Variants in ADAMTS9 observed in about 807,000 individuals in gnomAD.
ADAMTS9 encodes the protein A disintegrin and metalloproteinase with thrombospondin motifs 9.
A neutral mutation model predicts 257.1 loss-of-function variants in ADAMTS9; 107 were observed. That is an observed-to-expected ratio of 0.42 (90% CI 0.36 to 0.49). The LOEUF (loss-of-function observed/expected upper bound fraction) is 0.49. Among genes scored for constraint, ADAMTS9 ranks in the 20% least tolerant of loss-of-function variants. The pLI is 0.03. For missense variants in ADAMTS9, 2,353 were observed against 2,469.1 expected (o/e 0.95, Z 1.00); for synonymous variants, 982 against 880.9 (o/e 1.11, Z -2.03).
At chr3:64,577,554 G>T (rs1190184677) in intron 28 of ADAMTS9, among the ~76,000 whole-genome samples, 1 of 152,172 alleles carries the variant, frequency 6.6e-6, no homozygotes, top group Non-Finnish European at 1.5e-5. Flanking sequence ...GTAAGTAATT[G>T]GTGGGAAAGC....
intron 23 of ADAMTS9, 114 bp from the exon 24 acceptor site, chr3:64,604,445 C>G (rs1404367740): frequency 2.8e-6 from 2 of 713,066 alleles, no homozygotes; most frequent in Non-Finnish European, 4.5e-6. Context: ...CTTCAGATTT[C>G]TGTGTGAATC....
chr3:64,522,250 C>G lies in ADAMTS9; in HGVS notation c.5729G>C (p.Arg1910Pro). The change falls in exon 39 of 40, where the codon CGA (arginine) becomes CCA (proline). Residue 1910 changes from arginine to proline, a missense_variant. Physicochemically the swap from Arg to Pro is moderately radical, Grantham distance 103 (BLOSUM62 -2). This residue lies in a region of ADAMTS9 where 1,402 missense variants were observed against 1,441.4 expected (regional missense o/e 0.97). Coordinates refer to ENST00000498707, the MANE Select transcript of ADAMTS9 (RefSeq NM_182920.2). ...SDIKKSPDGT[R>P]VVGKCGGYCG... ...GTAACCACCGCATTTCCCTACGACT[C>G]GGGTACCATCCTGCAAGGAGATGCA... The G allele has an allele frequency of 6.2e-7, 1 of 1,613,998 alleles. No individual in the cohort carries two copies. The highest frequency in any genetic ancestry group is 8.5e-7 in the Non-Finnish European group (1 of 1,179,918).
intron 29 of ADAMTS9, among the ~76,000 whole-genome samples, chr3:64,566,299 TG>T (rs935609525): frequency 6.6e-6 from 1 of 152,222 alleles, no homozygotes; most frequent in African/African-American, 2.4e-5. Flanking sequence ...ACTTCTAAAT[TG>T]CCCAAATTGA....
At chr3:64,588,461 G>T (rs1453703399) in intron 28 of ADAMTS9, 1 of 150,494 alleles carries the variant, frequency 6.6e-6, no homozygotes, top group African/African-American at 2.4e-5. Context: ...TTTTTATTCT[G>T]CCCCAACCCC....
intron 28 of ADAMTS9, among the ~76,000 whole-genome samples, chr3:64,593,961 A>ATATG (rs753411993): frequency 9.2e-6 from 1 of 108,264 alleles, no homozygotes. Flanking sequence ...TGTGTGTATG[A>ATATG]TGTGTGTGTG....
At chr3:64,566,526 A>C (rs1230721023) in intron 29 of ADAMTS9, among the ~76,000 whole-genome samples, 1 of 151,834 alleles carries the variant, frequency 6.6e-6, no homozygotes, top group Non-Finnish European at 1.5e-5. Flanking sequence ...GTTGGCAAAA[A>C]CCCCCAGGGT....
chr3:64,622,110 G>C, intron 18 of ADAMTS9, 88 bp downstream of exon 18: 1 of 1,373,012 alleles, frequency 7.3e-7, no homozygotes, highest in Non-Finnish European at 9.8e-7. Context: ...AGGGTTTGCA[G>C]TTTGCATGCA....
In ADAMTS9 at chr3:64,674,003, A is replaced by C. The variant is rs1044605859; in HGVS notation, c.679+7198T>G. On this transcript the variant is annotated intron_variant, in intron 3 of 39. Transcript: ENST00000498707. ...AAAATTTAATGAATAAGTGGGAACA[A>C]ATGAAAGAAGGTACAATTCCTGTAT... is the stretch of plus-strand genomic sequence containing the variant. 2.0e-5 allele frequency among the ~76,000 whole-genome samples: 3 copies of C among 152,196 alleles called. No individual in the cohort carries two copies. In the South Asian group the frequency reaches 6.2e-4, roughly 32 times the overall value.
chr3:64,520,569 C>G (rs2106867849), intron 39 of ADAMTS9, among the ~76,000 whole-genome samples: 1 of 152,138 alleles, frequency 6.6e-6, no homozygotes, highest in East Asian at 1.9e-4. Flanking sequence ...TAAAGGTAAC[C>G]AAAACAGCAT....
chr3:64,537,212 A>C (rs982349948), intron 37 of ADAMTS9, among the ~76,000 whole-genome samples: 1 of 152,222 alleles, frequency 6.6e-6, no homozygotes, highest in African/African-American at 2.4e-5. Flanking sequence ...GAATTGCTTC[A>C]TTGTCAGGAT....
At chr3:64,655,555 A>T (rs571224434) in intron 6 of ADAMTS9, 21 bp downstream of exon 6, 1 of 1,576,010 alleles carries the variant, frequency 6.3e-7, no homozygotes, top group African/African-American at 1.3e-5. Flanking sequence ...GAAAGATCTG[A>T]GGAATAAGAA....
At chr3:64,599,572 A>G (rs369807868) in intron 26 of ADAMTS9, among the ~76,000 whole-genome samples, 12 of 152,316 alleles carry the variant, frequency 7.9e-5, no homozygotes, top group East Asian at 7.7e-4. Context: ...TCATCTATCA[A>G]TTAAGACACT....
chr3:64,540,964 C>T, intron 36 of ADAMTS9, 131 bp downstream of exon 36: 8 of 1,301,216 alleles, frequency 6.1e-6, no homozygotes, highest in East Asian at 2.4e-5. Context: ...TGTTCTTCCT[C>T]TCCATACTAG....
intron 22 of ADAMTS9, among the ~76,000 whole-genome samples, chr3:64,608,330 G>A (rs1465345418): frequency 6.8e-6 from 1 of 146,586 alleles, no homozygotes; most frequent in East Asian, 2.0e-4. Context: ...GAAATACAGA[G>A]TAGAAGAATA....
At chr3:64,638,689 A>G (rs745953228) in intron 12 of ADAMTS9, among the ~76,000 whole-genome samples, 6 of 152,182 alleles carry the variant, frequency 3.9e-5, no homozygotes, top group Admixed American at 1.3e-4. Flanking sequence ...CTTGTGACCA[A>G]AATTAGAAAG....
chr3:64,608,439 C>T (rs868684512), intron 22 of ADAMTS9, among the ~76,000 whole-genome samples: 31 of 151,920 alleles, frequency 2.0e-4, no homozygotes, highest in Middle Eastern at 3.4e-3. Flanking sequence ...TGAGAAAAGA[C>T]TCCAATTACT....
chr3:64,611,240 A>G (rs1053890464), intron 22 of ADAMTS9, among the ~76,000 whole-genome samples: 1 of 152,184 alleles, frequency 6.6e-6, no homozygotes, highest in Non-Finnish European at 1.5e-5. Flanking sequence ...GGTAGAAACA[A>G]CCGAAATGGC....
chr3:64,574,191 C>T (rs1041147872), intron 28 of ADAMTS9, among the ~76,000 whole-genome samples: 3 of 152,204 alleles, frequency 2.0e-5, no homozygotes, highest in South Asian at 4.1e-4. Flanking sequence ...ACCCCAAGAG[C>T]ACTCTCTTTC....
intron 18 of ADAMTS9, among the ~76,000 whole-genome samples, chr3:64,621,864 C>A (rs745937732): frequency 4.0e-5 from 6 of 151,134 alleles, no homozygotes; most frequent in Non-Finnish European, 8.8e-5. Context: ...GGTTTGCTGA[C>A]TCCTCATTTA....
Sources: gnomAD v4.1 joint callset for allele counts (sites outside exome capture counted in the v4.1 genomes callset) on GRCh38, gnomAD v4.1.1 for gene constraint, gnomAD v4.1.1 regional missense constraint, MANE v1.5 for transcripts, NCBI Gene and HGNC (gene_info 2026-07-23, HGNC 2026-07-21) for gene names.